SOD2: variants seen among roughly 807,000 people sequenced by gnomAD.
The protein encoded by SOD2 is superoxide dismutase [Mn], mitochondrial.
Under a neutral mutation model 27.0 loss-of-function variants are expected in SOD2, and 11 were observed. The observed-to-expected ratio is 0.41, with a 90% CI of 0.26 to 0.67. The LOEUF is 0.67. Ranked by LOEUF, SOD2 falls within the 30% of genes least tolerant of loss-of-function variation. The pLI, the probability that SOD2 is intolerant of heterozygous loss-of-function variation, is 0.34. For missense variants in SOD2, 250 were observed against 274.5 expected (o/e 0.91, Z 0.63); for synonymous variants, 105 against 103.0 (o/e 1.02, Z -0.12).
intron 2 of SOD2, among the ~76,000 whole-genome samples, chr6:159,690,353 C>G (rs1780399748): frequency 6.6e-6 from 1 of 151,038 alleles, no homozygotes. Context: ...TCCCAGCACT[C>G]TGGAAGGCCG....
chr6:159,683,189 A>ATT (rs1366850629), intron 4 of SOD2, among the ~76,000 whole-genome samples: 2 of 152,206 alleles, frequency 1.3e-5, no homozygotes, highest in Non-Finnish European at 2.9e-5. Flanking sequence ...ACATCCATTT[A>ATT]AAAAAACTTT....
At chr6:159,726,909 G>A (rs1562445985) in intron 1 of SOD2, 1 of 1,289,046 alleles carries the variant, frequency 7.8e-7, no homozygotes, top group Middle Eastern at 2.2e-4. Context: ...CCTCTCTCTT[G>A]AGGTGGCACC....
At chr6:159,685,093 A>T in intron 3 of SOD2, 60 bp from the exon 4 acceptor site, 1 of 1,307,138 alleles carries the variant, frequency 7.7e-7, no homozygotes, top group South Asian at 1.6e-5. Context: ...ATTACAGTAA[A>T]ATGTTATATT....
At position 159,682,484 on chromosome 6, in the gene SOD2, G is replaced by A. The variant is rs1244198059; in HGVS notation, c.*9C>T. On this transcript the variant is annotated 3_prime_UTR_variant, in exon 5 of 5. Coordinates refer to ENST00000538183, the MANE Select transcript of SOD2 (RefSeq NM_000636.4). ...AAGAGCTTAACATACTCAGCATAAC[G>A]ATCGTGGTTTACTTTTTGCAAGCCA... 10 of 1,612,118 alleles carry A rather than the reference G, an allele frequency of 6.2e-6. No individual in the cohort carries two copies. The East Asian group carries it at 8.9e-5, about 14-fold the overall frequency.
At chr6:159,754,090 A>T (rs1485453718) in intron 1 of SOD2, among the ~76,000 whole-genome samples, 1 of 152,204 alleles carries the variant, frequency 6.6e-6, no homozygotes, top group East Asian at 1.9e-4. Flanking sequence ...GTCAGCCTCC[A>T]TCCTTTTTAG....
Position 159,682,479 on chromosome 6 carries a change from A to C in SOD2, c.*14T>G. The C allele has an allele frequency of 6.2e-7, 1 of 1,611,856 alleles. No homozygotes were observed. The highest frequency in any genetic ancestry group is 1.1e-5 in the South Asian group (1 of 90,780). Reference sequence around the variant, plus strand: ...TCATAAAGAGCTTAACATACTCAGCATAACGATCGTGGTTTACTTTTTGCA... The same window carrying C: ...TCATAAAGAGCTTAACATACTCAGCCTAACGATCGTGGTTTACTTTTTGCA... On this transcript the variant is annotated 3_prime_UTR_variant, in exon 5 of 5. Transcript: ENST00000538183.
intron 1 of SOD2, among the ~76,000 whole-genome samples, chr6:159,714,897 T>C (rs1777897776): frequency 1.3e-5 from 2 of 152,242 alleles, no homozygotes; most frequent in African/African-American, 4.8e-5. Context: ...CTGTGCTTGT[T>C]GATGTGTACA....
intron 1 of SOD2, among the ~76,000 whole-genome samples, chr6:159,752,622 C>T (rs1779862802): frequency 6.6e-6 from 1 of 151,880 alleles, no homozygotes; most frequent in Non-Finnish European, 1.5e-5. Context: ...ATTTTTGTGT[C>T]AAAAGGATGA....
In SOD2 at chr6:159,679,028, C is replaced by T. The variant is rs1375497152; in HGVS notation, c.*3465G>A. 3 of 152,218 alleles carry T rather than the reference C, an allele frequency of 2.0e-5. No individual in the cohort carries two copies. Among genetic ancestry groups the T allele is most frequent in the Non-Finnish European group, 2.9e-5 (2 of 68,042 alleles). The allele number at this position is 152,218 out of a possible 1,614,324, so 9.4% of individuals were successfully genotyped here. A position where few individuals can be genotyped will look rare whatever the true frequency, so the allele number is the denominator to read the frequency against. ...TAATATTTCAACTACCCATTATTTA[C>T]TATTCCTTTCCCATGGAAACTCAGT... On this transcript the variant is annotated 3_prime_UTR_variant, in exon 5 of 5. Coordinates refer to ENST00000538183, the MANE Select transcript of SOD2 (RefSeq NM_000636.4).
At chr6:159,726,877 G>A (rs1467080698) in intron 1 of SOD2, 1 of 1,289,178 alleles carries the variant, frequency 7.8e-7, no homozygotes, top group Non-Finnish European at 1.0e-6. Flanking sequence ...AAGAGTAAAC[G>A]CCCGCGGCTC....
chr6:159,731,570 A>G (rs903685977), upstream of SOD2, among the ~76,000 whole-genome samples: 2 of 152,238 alleles, frequency 1.3e-5, no homozygotes, highest in African/African-American at 4.8e-5. Flanking sequence ...AACAGTCGGG[A>G]GGACAGTATG....
rs149300332 is a variant in SOD2, at chr6:159,751,922, G to A, written c.-335-3246C>T. Among the ~76,000 whole-genome samples the A allele has an allele frequency of 1.6e-4, 24 of 152,148 alleles. No individual in the cohort carries two copies. In the East Asian group the frequency reaches 4.4e-3, roughly 28 times the overall value. On this transcript the variant is annotated intron_variant, in intron 1 of 7. Coordinates refer to the SOD2 transcript ENST00000546087. ...ACTAAAAATCCAAAATTAGCTGGGG[G>A]TGCTCGTGCACACCTATAGTCCCCA...
chr6:159,696,517 A>G (rs947989853), upstream of SOD2, among the ~76,000 whole-genome samples: 11 of 151,802 alleles, frequency 7.2e-5, no homozygotes, highest in Non-Finnish European at 1.2e-4. Context: ...ATGGGGTTTC[A>G]CCATGTTGGC....
chr6:159,741,907 G>A (rs549149055), intron 1 of SOD2: 27 of 488,842 alleles, frequency 5.5e-5, no homozygotes, highest in African/African-American at 1.6e-4. Flanking sequence ...CCCTGTTTGC[G>A]CCACGCTGCA....
intron 1 of SOD2, among the ~76,000 whole-genome samples, chr6:159,722,289 C>T (rs1377164888): frequency 6.6e-6 from 1 of 152,066 alleles, no homozygotes; most frequent in African/African-American, 2.4e-5. Context: ...TCTGACGAGG[C>T]ACGAGGATCA....
chr6:159,725,516 TC>T (rs1270060457), intron 1 of SOD2: 2 of 151,778 alleles, frequency 1.3e-5, no homozygotes, highest in Non-Finnish European at 2.9e-5. Flanking sequence ...AATTATTTTT[TC>T]TGTGTATCTT....
At chr6:159,739,953 A>T (rs532986420) in intron 1 of SOD2, among the ~76,000 whole-genome samples, 1 of 144,536 alleles carries the variant, frequency 6.9e-6, no homozygotes, top group East Asian at 2.1e-4. Context: ...CTTCTGTCTT[A>T]TGCTGAAGTA....
At position 159,713,727 on chromosome 6, in the gene SOD2, C is replaced by G. The variant is rs73802629; in HGVS notation, c.-116+13402G>C. The stretch of plus-strand genomic sequence containing the variant: ...CTTCGATACCCAATCCATTTCAACA[C>G]TATTAGACTTGAATACTTCAACGTA... On this transcript the variant is annotated intron_variant, in intron 1 of 2. Coordinates refer to the SOD2 transcript ENST00000401980. 2,276 of 916,968 alleles carry G rather than the reference C, an allele frequency of 2.5e-3. 37 individuals carry two copies. The African/African-American group carries it at 0.029, about 12-fold the overall frequency. 56.8% of individuals were successfully genotyped at this position (916,968 alleles called of 1,614,324 possible).
intron 1 of SOD2, among the ~76,000 whole-genome samples, chr6:159,701,134 A>T (rs1482392863): frequency 6.6e-6 from 1 of 152,172 alleles, no homozygotes; most frequent in South Asian, 2.1e-4. Flanking sequence ...TCTCCAGGCC[A>T]ATCCCTGGAG....
Sources: allele counts gnomAD v4.1 joint callset (sites outside exome capture counted in the v4.1 genomes callset), GRCh38; gene constraint gnomAD v4.1.1; transcripts MANE v1.5; gene names NCBI Gene and HGNC (gene_info 2026-07-23, HGNC 2026-07-21).